BCKDHB: variants seen among roughly 807,000 people sequenced by gnomAD.
BCKDHB encodes 2-oxoisovalerate dehydrogenase subunit beta, mitochondrial.
Under a neutral mutation model 48.5 loss-of-function variants are expected in BCKDHB, and 41 were observed. That is an observed-to-expected ratio of 0.85 (90% CI 0.66 to 1.10). The LOEUF (loss-of-function observed/expected upper bound fraction) is 1.10, where lower values mean the gene tolerates loss of function less well. Ranked by LOEUF, BCKDHB falls within the 50% of genes least tolerant of loss-of-function variation. The pLI, the probability that BCKDHB is intolerant of heterozygous loss-of-function variation, is 0.00. For missense variants in BCKDHB, 496 were observed against 494.2 expected (o/e 1.00, Z -0.03); for synonymous variants, 201 against 174.8 (o/e 1.15, Z -1.18).
chr6:80,364,835 C>T, the BCKDHB span, among the ~76,000 whole-genome samples: 1 of 152,258 alleles, frequency 6.6e-6, no homozygotes, highest in East Asian at 1.9e-4. Context: ...GGAACCCACC[C>T]CCAATATTTC....
At chr6:80,266,366 T>C (rs1285009656) in intron 8 of BCKDHB, among the ~76,000 whole-genome samples, 1 of 152,064 alleles carries the variant, frequency 6.6e-6, no homozygotes, top group Non-Finnish European at 1.5e-5. Flanking sequence ...TACCTACAGG[T>C]GGTTATGCTT....
intron 8 of BCKDHB, among the ~76,000 whole-genome samples, chr6:80,260,682 G>C (rs571508312): frequency 6.6e-5 from 10 of 152,134 alleles, no homozygotes; most frequent in African/African-American, 2.4e-4. Flanking sequence ...AGAAACACGT[G>C]GTGAAGATAT....
intron 9 of BCKDHB, among the ~76,000 whole-genome samples, chr6:80,340,942 A>G (rs999238169): frequency 2.0e-5 from 3 of 152,236 alleles, no homozygotes; most frequent in Admixed American, 6.5e-5. Context: ...AGTGAGAAGT[A>G]AGTACAGCTG....
chr6:80,415,818 A>AT, the BCKDHB span, among the ~76,000 whole-genome samples: 1 of 151,540 alleles, frequency 6.6e-6, no homozygotes, highest in Non-Finnish European at 1.5e-5. Context: ...TTCTTTCTCA[A>AT]TTTTTTGGTC....
At chr6:80,368,508 G>T in the BCKDHB span, among the ~76,000 whole-genome samples, 1 of 152,110 alleles carries the variant, frequency 6.6e-6, no homozygotes, top group Non-Finnish European at 1.5e-5. Context: ...TTGGACAGAG[G>T]CAGGAAATAA....
In BCKDHB at chr6:80,163,195, G is replaced by A. The variant is rs1366496908; in HGVS notation, c.344-4483G>A. Among the ~76,000 whole-genome samples, 3 of 152,008 alleles carry A rather than the reference G, an allele frequency of 2.0e-5. No individual in the cohort carries two copies. In the East Asian group the frequency reaches 5.8e-4, roughly 29 times the overall value. On this transcript the variant is annotated intron_variant, in intron 3 of 9. Transcript: ENST00000320393. ...GGTGGGATTACAGGTGTGAGCCATAGCGCCTGGCTTCTTCTCTCTTTTATA... is the reference window on the plus strand; with the variant it reads ...GGTGGGATTACAGGTGTGAGCCATAACGCCTGGCTTCTTCTCTCTTTTATA...
chr6:80,405,812 A>G, the BCKDHB span, among the ~76,000 whole-genome samples: 1 of 152,128 alleles, frequency 6.6e-6, no homozygotes, highest in African/African-American at 2.4e-5. Flanking sequence ...ATGAAACTCT[A>G]CACTTCCTTG....
At chr6:80,244,046 G>C (rs1776504782) in intron 8 of BCKDHB, among the ~76,000 whole-genome samples, 1 of 152,206 alleles carries the variant, frequency 6.6e-6, no homozygotes, top group African/African-American at 2.4e-5. Flanking sequence ...ACTATTTCTT[G>C]AGGGCTGATC....
intron 3 of BCKDHB, among the ~76,000 whole-genome samples, chr6:80,145,414 C>T (rs989800470): frequency 6.6e-6 from 1 of 152,118 alleles, no homozygotes; most frequent in African/African-American, 2.4e-5. Context: ...GGACTTTCCC[C>T]CAAACCACCT....
chr6:80,325,068 A>G (rs1768964029), intron 9 of BCKDHB, among the ~76,000 whole-genome samples: 1 of 152,224 alleles, frequency 6.6e-6, no homozygotes, highest in African/African-American at 2.4e-5. Flanking sequence ...ACGGTTTTGA[A>G]TAACATATAG....
At chr6:80,320,887 AT>A (rs1221928700) in intron 9 of BCKDHB, among the ~76,000 whole-genome samples, 1 of 152,136 alleles carries the variant, frequency 6.6e-6, no homozygotes, top group Non-Finnish European at 1.5e-5. Context: ...GCCTTCTTCG[AT>A]TTTTATTTTG....
chr6:80,184,849 T>C (rs1164665048), intron 6 of BCKDHB, among the ~76,000 whole-genome samples: 1 of 152,228 alleles, frequency 6.6e-6, no homozygotes, highest in African/African-American at 2.4e-5. Flanking sequence ...CTGATGCTTT[T>C]GCCTCACAAC....
intron 3 of BCKDHB, among the ~76,000 whole-genome samples, chr6:80,134,176 G>A (rs1015767414): frequency 6.6e-6 from 1 of 152,086 alleles, no homozygotes; most frequent in Admixed American, 6.6e-5. Context: ...CCACTTATTG[G>A]AGGAAATTTA....
the BCKDHB span, among the ~76,000 whole-genome samples, chr6:80,369,257 C>A: frequency 6.6e-6 from 1 of 151,804 alleles, no homozygotes; most frequent in African/African-American, 2.4e-5. Flanking sequence ...TTCTTTGTTA[C>A]AGAAATTGTA....
intron 3 of BCKDHB, among the ~76,000 whole-genome samples, chr6:80,162,162 G>A (rs1772348798): frequency 6.6e-6 from 1 of 152,070 alleles, no homozygotes; most frequent in South Asian, 2.1e-4. Flanking sequence ...GGTCCATTCG[G>A]TCTTCCATTC....
chr6:80,195,005 CTTA>C (rs1298075934), intron 6 of BCKDHB, among the ~76,000 whole-genome samples: 3 of 152,272 alleles, frequency 2.0e-5, no homozygotes, highest in African/African-American at 7.2e-5. Flanking sequence ...GACACTGAGA[CTTA>C]TTATACCAAT....
intron 6 of BCKDHB, among the ~76,000 whole-genome samples, chr6:80,194,486 T>C (rs1315168972): frequency 1.3e-5 from 2 of 152,184 alleles, no homozygotes; most frequent in Admixed American, 6.5e-5. Flanking sequence ...CAGAGTCTAT[T>C]TATCGTTCTT....
the BCKDHB span, among the ~76,000 whole-genome samples, chr6:80,353,242 T>C: frequency 6.6e-6 from 1 of 152,364 alleles, no homozygotes; most frequent in East Asian, 1.9e-4. Context: ...CTGATTTTAC[T>C]CTTTTTAATC....
the BCKDHB span, among the ~76,000 whole-genome samples, chr6:80,375,449 C>T: frequency 6.6e-6 from 1 of 152,170 alleles, no homozygotes; most frequent in Non-Finnish European, 1.5e-5. Flanking sequence ...ATTGCTGATA[C>T]TTTCCAGTTC....
Sources: allele counts gnomAD v4.1 joint callset (sites outside exome capture counted in the v4.1 genomes callset), GRCh38; gene constraint gnomAD v4.1.1; transcripts MANE v1.5; gene names NCBI Gene and HGNC (gene_info 2026-07-23, HGNC 2026-07-21).